SHISA9: variants seen among roughly 807,000 people sequenced by gnomAD.
SHISA9 encodes the protein shisa family member 9, also known as protein shisa-9.
In SHISA9, 13 loss-of-function variants were observed where a neutral mutation model predicts 38.0. The observed-to-expected ratio is 0.34, with a 90% CI of 0.22 to 0.54. The LOEUF (loss-of-function observed/expected upper bound fraction) is 0.54. Ranked by LOEUF, SHISA9 falls within the 20% of genes least tolerant of loss-of-function variation. The probability of loss-of-function intolerance (pLI) is 0.91; values close to 1 mark genes in which losing one functional copy is unlikely to be tolerated. For synonymous variants in SHISA9, 275 were observed against 242.0 expected (o/e 1.14, Z -1.27); for missense variants, 538 against 575.8 (o/e 0.93, Z 0.67).
chr16:13,285,469 T>TTTTTG, the SHISA9 span, among the ~76,000 whole-genome samples: 26 of 148,728 alleles, frequency 1.7e-4, no homozygotes, highest in African/African-American at 6.4e-4. Flanking sequence ...GTAGTTTTTT[T>TTTTTG]TTTTTTTTTT....
In SHISA9 at chr16:12,902,602, C is replaced by T. The variant is rs2071033807; in HGVS notation, c.538C>T (p.Arg180Trp). 1.9e-6 allele frequency: 3 copies of T among 1,550,194 alleles called. No homozygotes were observed. The highest frequency in any genetic ancestry group is 2.0e-5 in the Admixed American group (1 of 50,958). Residue 180 changes from arginine to tryptophan, a missense_variant, in exon 1 of 5, where the codon CGG (arginine) becomes TGG (tryptophan). Arg to Trp is a moderately radical substitution (Grantham distance 101, BLOSUM62 -3). Transcript: ENST00000558583. ...CAAGCTGGGGCTGGAGAAAGCGCAC[C>T]GGCCCCAAAGGGAGCACATGTCCAG... ...FTKLGLEKAHRPQREHMSRAL... is the reference protein window; with the variant it reads ...FTKLGLEKAHWPQREHMSRAL...
chr16:13,110,146 A>G (rs1316353802), intron 2 of SHISA9, among the ~76,000 whole-genome samples: 3 of 152,200 alleles, frequency 2.0e-5, no homozygotes, highest in African/African-American at 7.2e-5. Flanking sequence ...AGCATCTCTC[A>G]TAACCTGGAA....
At chr16:13,190,498 T>C (rs1567241204) in intron 2 of SHISA9, among the ~76,000 whole-genome samples, 1 of 152,224 alleles carries the variant, frequency 6.6e-6, no homozygotes, top group Non-Finnish European at 1.5e-5. Flanking sequence ...TTTTGCTGCC[T>C]TTGAAACTCT....
the SHISA9 span, among the ~76,000 whole-genome samples, chr16:13,483,963 G>A: frequency 7.2e-5 from 11 of 152,192 alleles, no homozygotes; most frequent in Admixed American, 5.2e-4. Flanking sequence ...GATTCAAGGA[G>A]GGATTCTTGG....
chr16:13,312,615 G>T, the SHISA9 span, among the ~76,000 whole-genome samples: 3 of 152,122 alleles, frequency 2.0e-5, no homozygotes, highest in Non-Finnish European at 4.4e-5. Context: ...AGCAGACACA[G>T]ACAAGGAAAA....
the SHISA9 span, among the ~76,000 whole-genome samples, chr16:13,437,910 G>C: frequency 1.3e-5 from 2 of 148,536 alleles, no homozygotes; most frequent in South Asian, 4.2e-4. Flanking sequence ...TTTTTGCCCA[G>C]GCTGGAGTGC....
At chr16:13,367,361 G>A in the SHISA9 span, among the ~76,000 whole-genome samples, 8,053 of 148,596 alleles carry the variant, frequency 0.054, 339 homozygotes, top group East Asian at 0.17. Flanking sequence ...CCACCCACGG[G>A]TACCATTTAT....
chr16:13,167,851 T>C (rs2050651461), intron 2 of SHISA9, among the ~76,000 whole-genome samples: 1 of 152,240 alleles, frequency 6.6e-6, no homozygotes. Flanking sequence ...GGTATTTCTT[T>C]ATAGCAGAAC....
At chr16:13,225,082 T>C (rs1392955048) in intron 4 of SHISA9, among the ~76,000 whole-genome samples, 3 of 151,802 alleles carry the variant, frequency 2.0e-5, no homozygotes, top group Non-Finnish European at 2.9e-5. Context: ...AAGGGAGAAA[T>C]TTGGACACAT....
chr16:13,351,947 G>A, the SHISA9 span, among the ~76,000 whole-genome samples: 2 of 152,312 alleles, frequency 1.3e-5, no homozygotes, highest in African/African-American at 2.4e-5. Flanking sequence ...GACAGAGGGA[G>A]AAATGACAAC....
At chr16:13,529,975 G>A in the SHISA9 span, among the ~76,000 whole-genome samples, 1 of 152,198 alleles carries the variant, frequency 6.6e-6, no homozygotes, top group East Asian at 1.9e-4. Context: ...CAGACTTTTG[G>A]GAGTCTAGTG....
At chr16:13,542,985 C>T in the SHISA9 span, among the ~76,000 whole-genome samples, 1 of 152,194 alleles carries the variant, frequency 6.6e-6, no homozygotes, top group Non-Finnish European at 1.5e-5. Context: ...TAACCTTAGT[C>T]TGTCTGATCC....
the SHISA9 span, among the ~76,000 whole-genome samples, chr16:13,421,108 A>C: frequency 1.3e-5 from 2 of 152,218 alleles, no homozygotes; most frequent in African/African-American, 4.8e-5. Flanking sequence ...CTTCAATAAA[A>C]ATATGCAGTT....
the SHISA9 span, among the ~76,000 whole-genome samples, chr16:13,534,677 A>C: frequency 1.3e-5 from 2 of 152,210 alleles, no homozygotes; most frequent in South Asian, 4.1e-4. Context: ...CTGACTTTAA[A>C]GATGCCACAC....
At chr16:13,192,731 C>G (rs776663302) in intron 2 of SHISA9, among the ~76,000 whole-genome samples, 1 of 152,032 alleles carries the variant, frequency 6.6e-6, no homozygotes. Context: ...AAAAATTACC[C>G]GGGCGTGGTG....
chr16:13,378,386 C>G, the SHISA9 span, among the ~76,000 whole-genome samples: 177 of 152,248 alleles, frequency 1.2e-3, no homozygotes, highest in African/African-American at 4.2e-3. Flanking sequence ...TCCAAGCAGC[C>G]CTGGCATTAC....
At chr16:13,141,318 G>A (rs1042910667) in intron 2 of SHISA9, among the ~76,000 whole-genome samples, 1 of 151,966 alleles carries the variant, frequency 6.6e-6, no homozygotes, top group African/African-American at 2.4e-5. Flanking sequence ...TATGAGCTGA[G>A]GAATAGCTTG....
rs566021824 is a variant in SHISA9, at chr16:13,123,740, T to C, written c.692-79654T>C. Among the ~76,000 whole-genome samples, 39 of 152,276 alleles carry C rather than the reference T, an allele frequency of 2.6e-4. No individual in the cohort carries two copies. The South Asian group carries it at 7.5e-3, about 29-fold the overall frequency. The stretch of plus-strand genomic sequence containing the variant: ...GACAAGAGAGAGGCTTAAAGAAGAA[T>C]CCAGGAAGCAAGCCCTTCTTGTGGC... On this transcript the variant is annotated intron_variant, in intron 2 of 4. Coordinates refer to ENST00000558583, the MANE Select transcript of SHISA9 (RefSeq NM_001145204.3).
intron 2 of SHISA9, among the ~76,000 whole-genome samples, chr16:13,191,964 G>C (rs2050889727): frequency 6.6e-6 from 1 of 152,128 alleles, no homozygotes; most frequent in South Asian, 2.1e-4. Context: ...GTGAGGGTTG[G>C]AAACTGTTGA....
Sources: gnomAD v4.1 joint callset for allele counts (sites outside exome capture counted in the v4.1 genomes callset) on GRCh38, gnomAD v4.1.1 for gene constraint, MANE v1.5 for transcripts, NCBI Gene and HGNC (gene_info 2026-07-23, HGNC 2026-07-21) for gene names.